The following ASIC5 variants were observed in gnomAD, a reference collection of about 807,000 sequenced individuals.
ASIC5 encodes the protein bile acid-sensitive ion channel.
In ASIC5, 52 loss-of-function variants were observed where a neutral mutation model predicts 51.2. The ratio of observed to expected loss-of-function variants is 1.02; its 90% confidence interval spans 0.81 to 1.28. ASIC5 has a LOEUF of 1.28. Among genes scored for constraint, ASIC5 ranks in the 50% most tolerant of loss-of-function variants. The pLI is 0.00. For synonymous variants in ASIC5, 231 were observed against 200.7 expected (o/e 1.15, Z -1.28); for missense variants, 635 against 595.0 (o/e 1.07, Z -0.70).
intron 8 of ASIC5, among the ~76,000 whole-genome samples, chr4:155,832,925 T>C (rs532821562): frequency 6.6e-6 from 1 of 152,186 alleles, no homozygotes; most frequent in African/African-American, 2.4e-5. Context: ...GGAAGGACTT[T>C]CCTGACAATA....
intron 4 of ASIC5, among the ~76,000 whole-genome samples, chr4:155,847,239 T>TC (rs1741271934): frequency 6.6e-6 from 1 of 152,076 alleles, no homozygotes; most frequent in South Asian, 2.1e-4. Flanking sequence ...GAGATAAAAA[T>TC]TTTTGTTTTC....
intron 6 of ASIC5, among the ~76,000 whole-genome samples, chr4:155,841,987 G>A (rs2111237756): frequency 6.6e-6 from 1 of 152,222 alleles, no homozygotes; most frequent in South Asian, 2.1e-4. Flanking sequence ...AACTTCTGGT[G>A]ACTTTGTTAT....
At chr4:155,838,581 TA>T (rs1741045935) in intron 7 of ASIC5, among the ~76,000 whole-genome samples, 1 of 152,156 alleles carries the variant, frequency 6.6e-6, no homozygotes, top group Non-Finnish European at 1.5e-5. Flanking sequence ...ATTTTGATTA[TA>T]AAAAAGAACA....
At chr4:155,836,578 A>C (rs1740984436) in intron 8 of ASIC5, 111 bp downstream of exon 8, 2 of 637,866 alleles carry the variant, frequency 3.1e-6, no homozygotes, top group Non-Finnish European at 2.7e-6. Context: ...GAAAAAAGCC[A>C]TTGCCTCCCT....
chr4:155,834,769 C>T (rs1230814068), intron 8 of ASIC5, among the ~76,000 whole-genome samples: 1 of 152,052 alleles, frequency 6.6e-6, no homozygotes, highest in Non-Finnish European at 1.5e-5. Flanking sequence ...CCCTATCCTG[C>T]CTCCATATGA....
chr4:155,854,495 G>A (rs1253684879), intron 2 of ASIC5, among the ~76,000 whole-genome samples, 181 bp from the exon 3 acceptor site: 12 of 152,088 alleles, frequency 7.9e-5, no homozygotes, highest in African/African-American at 2.4e-5. Context: ...AATTAATCTT[G>A]TATTTGCACA....
At chr4:155,851,038 G>C (rs537811970) in intron 4 of ASIC5, among the ~76,000 whole-genome samples, 48 of 151,904 alleles carry the variant, frequency 3.2e-4, no homozygotes, top group African/African-American at 1.0e-3. Flanking sequence ...ATTTCTCCTG[G>C]CCCTTTTGTA....
chr4:155,852,955 A>G (rs1175236455), intron 3 of ASIC5, among the ~76,000 whole-genome samples: 1 of 152,046 alleles, frequency 6.6e-6, no homozygotes, highest in East Asian at 1.9e-4. Context: ...ACTGATACAG[A>G]AAGAAGCCAA....
At position 155,863,614 on chromosome 4, in the gene ASIC5, G is replaced by A. The variant is rs753653000; in HGVS notation, c.181C>T (p.Arg61Cys). The A allele has an allele frequency of 4.5e-5, 72 of 1,613,668 alleles. No individual in the cohort carries two copies. The highest frequency in any genetic ancestry group is 1.3e-4 in the South Asian group (12 of 91,084). ...HNIVQNRSKI[R>C]RVLWLVVVLG... is the part of the protein sequence containing the mutation. Reference sequence around the variant, plus strand: ...ACCACCACCAACCAGAGCACCCTGCGAATTTTGCTCCGGTTCTGAACAATA... The same window carrying A: ...ACCACCACCAACCAGAGCACCCTGCAAATTTTGCTCCGGTTCTGAACAATA... Residue 61 changes from arginine (R) to cysteine (C), a missense_variant, in exon 2 of 10, where the codon CGC (arginine) becomes TGC (cysteine). Transcript: ENST00000537611.
intron 2 of ASIC5, among the ~76,000 whole-genome samples, chr4:155,859,181 T>C (rs144490432): frequency 6.6e-6 from 1 of 152,030 alleles, no homozygotes; most frequent in African/African-American, 2.4e-5. Flanking sequence ...TTGGGGGTCC[T>C]GAGATTTTAT....
intron 2 of ASIC5, among the ~76,000 whole-genome samples, chr4:155,862,741 C>T (rs890141205): frequency 6.6e-5 from 10 of 152,084 alleles, no homozygotes; most frequent in African/African-American, 2.2e-4. Flanking sequence ...ATCACAGACC[C>T]GTGGAGCTGG....
intron 1 of ASIC5, chr4:155,864,577 A>G (rs1741811326): frequency 6.6e-6 from 1 of 152,068 alleles, no homozygotes; most frequent in Non-Finnish European, 1.5e-5. Flanking sequence ...GATGGGCTTC[A>G]CAATGGAAGA....
intron 3 of ASIC5, among the ~76,000 whole-genome samples, chr4:155,852,726 C>T (rs1419575241): frequency 3.3e-5 from 5 of 151,994 alleles, no homozygotes; most frequent in African/African-American, 1.2e-4. Context: ...TCTCCTTTTA[C>T]CCTCCTTTTC....
chr4:155,854,424 C>T, intron 2 of ASIC5, 110 bp from the exon 3 acceptor site: 2 of 813,686 alleles, frequency 2.5e-6, no homozygotes, highest in Non-Finnish European at 2.0e-6. Context: ...CCCACACTCT[C>T]CCTTATTTGC....
intron 8 of ASIC5, among the ~76,000 whole-genome samples, chr4:155,832,950 G>A (rs10024268): frequency 0.088 from 13,354 of 151,968 alleles, 656 homozygotes; most frequent in South Asian, 0.13. Flanking sequence ...ACAACCCTGA[G>A]AACAACCCTC....
chr4:155,866,232 A>G lies in ASIC5; in HGVS notation c.-6T>C. The G allele has an allele frequency of 6.2e-7, 1 of 1,607,748 alleles. No homozygotes were observed. Among genetic ancestry groups the G allele is most frequent in the East Asian group, 2.2e-5 (1 of 44,698 alleles). ...GATTTTTCTGTCTGCTCCATTTGTG[A>G]TTTCAGTTAAGCAAGAGTCCTCAGG... On this transcript the variant is annotated 5_prime_UTR_variant, in exon 1 of 10. Transcript: ENST00000537611.
Position 155,854,107 on chromosome 4 carries a change from A to G in ASIC5, c.555T>C (p.Cys185=), listed in dbSNP as rs1396526040. The change falls in exon 3 of 10, where the codon TGT becomes TGC. Residue 185 remains cysteine, a synonymous_variant. Coordinates refer to ENST00000537611, the MANE Select transcript of ASIC5 (RefSeq NM_017419.3). ...GGCTACATGGCTTTCCAAAAAACTC[A>G]CAGTCCAACAAAGTGCTATTGTTGA... The part of the protein sequence containing the change: ...FYLNNSTLLD[C]EFFGKPCSPK... The G allele has an allele frequency of 6.2e-7, 1 of 1,612,746 alleles. No homozygotes were observed. Among genetic ancestry groups the G allele is most frequent in the Non-Finnish European group, 8.5e-7 (1 of 1,179,338 alleles).
intron 8 of ASIC5, 87 bp from the exon 9 acceptor site, chr4:155,832,002 T>G (rs1740882632): frequency 1.5e-6 from 1 of 673,426 alleles, no homozygotes. Flanking sequence ...TTCATTTTTG[T>G]TTTATATGCT....
chr4:155,858,221 A>T (rs1421853285), intron 2 of ASIC5, among the ~76,000 whole-genome samples: 1 of 152,060 alleles, frequency 6.6e-6, no homozygotes, highest in Non-Finnish European at 1.5e-5. Flanking sequence ...CAGTATTACA[A>T]TTTCTGGAAT....
Sources: gnomAD v4.1 joint callset for allele counts (sites outside exome capture counted in the v4.1 genomes callset) on GRCh38, gnomAD v4.1.1 for gene constraint, MANE v1.5 for transcripts, NCBI Gene and HGNC (gene_info 2026-07-23, HGNC 2026-07-21) for gene names.